EFR3B: variants seen among roughly 807,000 people sequenced by gnomAD.
The protein encoded by EFR3B is EFR3 homolog B.
In EFR3B, 64 loss-of-function variants were observed where a neutral mutation model predicts 104.7. The ratio of observed to expected loss-of-function variants is 0.61; its 90% CI spans 0.50 to 0.75. The LOEUF is 0.75. EFR3B is among the 30% of genes least tolerant of loss of function. EFR3B has a pLI of 0.00. For missense variants in EFR3B, 750 were observed against 1,078.5 expected (o/e 0.70, Z 4.27); for synonymous variants, 385 against 417.9 (o/e 0.92, Z 0.96).
At chr2:25,087,442 T>A (rs1222335036) in intron 1 of EFR3B, among the ~76,000 whole-genome samples, 1 of 151,974 alleles carries the variant, frequency 6.6e-6, no homozygotes, top group Non-Finnish European at 1.5e-5. Context: ...TCCTAGTCTA[T>A]GACTTTTCAT....
chr2:25,100,669 T>A (rs1232482729), intron 3 of EFR3B, among the ~76,000 whole-genome samples: 2 of 152,232 alleles, frequency 1.3e-5, no homozygotes, highest in African/African-American at 4.8e-5. Context: ...ATTTTTGGTA[T>A]TTTTAGTAGA....
intron 4 of EFR3B, among the ~76,000 whole-genome samples, chr2:25,117,562 C>T (rs1185907506): frequency 1.3e-5 from 2 of 151,956 alleles, no homozygotes; most frequent in Non-Finnish European, 2.9e-5. Context: ...TATAGGCATG[C>T]GCCACCAAGC....
At chr2:25,152,813 A>AGT (rs60834744) in intron 21 of EFR3B, among the ~76,000 whole-genome samples, 15,982 of 141,340 alleles carry the variant, frequency 0.11, 1,033 homozygotes, top group East Asian at 0.25. Context: ...TTCATATAGA[A>AGT]GTGTGTGTGT....
Position 25,137,483 on chromosome 2 carries a change from G to C in EFR3B, c.1703G>C (p.Arg568Pro). Residue 568 changes from arginine to proline, a missense_variant, in exon 15 of 23, where the codon CGT becomes CCT. Transcript: ENST00000403714. This position sits in a 1 kb window ranked among gnomAD's most constrained non-coding sequence, Gnocchi z 4.7. ...GAGGAGGTGGTGGTGGACCTCATCCGTCTGGTGCTGGCTGTTCAGGTGGGG... is the reference window on the plus strand; with the variant it reads ...GAGGAGGTGGTGGTGGACCTCATCCCTCTGGTGCTGGCTGTTCAGGTGGGG... The part of the protein sequence containing the change: ...ANEEVVVDLI[R>P]LVLAVQDVAQ... 1 of 1,551,722 alleles carries C rather than the reference G, an allele frequency of 6.4e-7. No individual in the cohort carries two copies. Among genetic ancestry groups the C allele is most frequent in the Non-Finnish European group, 8.7e-7 (1 of 1,147,000 alleles).
At chr2:25,118,657 A>G (rs1669928866) in intron 4 of EFR3B, among the ~76,000 whole-genome samples, 1 of 138,150 alleles carries the variant, frequency 7.2e-6, no homozygotes, top group Non-Finnish European at 1.5e-5. Flanking sequence ...TTGGAGGCCA[A>G]GGTGGGAGGA....
intron 11 of EFR3B, 36 bp downstream of exon 11, chr2:25,133,050 T>C: frequency 6.6e-7 from 1 of 1,522,694 alleles, no homozygotes. Context: ...GGAGTCCTCC[T>C]CTCCCCCAGC....
chr2:25,141,569 C>T (rs1670667204), intron 17 of EFR3B, 136 bp downstream of exon 17: 1 of 887,328 alleles, frequency 1.1e-6, no homozygotes, highest in Admixed American at 2.8e-5. Context: ...TGGGCTCTGC[C>T]TGTGGTCCAG....
chr2:25,131,671 C>G lies in EFR3B; in HGVS notation c.986-79C>G. 1.4e-6 allele frequency: 2 copies of G among 1,480,050 alleles called. No individual in the cohort carries two copies. The highest frequency in any genetic ancestry group is 1.8e-4 in the Middle Eastern group (1 of 5,432). 91.7% of individuals were successfully genotyped at this position (1,480,050 alleles called of 1,614,324 possible). A position where few individuals can be genotyped will look rare whatever the true frequency, so the allele number is the denominator to read the frequency against. On this transcript the variant is annotated intron_variant, in intron 9 of 22. Transcript: ENST00000403714. This position sits in a 1 kb window ranked among gnomAD's most constrained non-coding sequence, Gnocchi z 7.6. Reference sequence around the variant, plus strand: ...AGCCCAGGCTGGAAGGGGGCGTGACCCTGCCCTGCCTGCGCGCGGTGCACA... The same window carrying G: ...AGCCCAGGCTGGAAGGGGGCGTGACGCTGCCCTGCCTGCGCGCGGTGCACA...
chr2:25,071,324 G>T (rs1165086399), intron 1 of EFR3B, among the ~76,000 whole-genome samples: 1 of 149,928 alleles, frequency 6.7e-6, no homozygotes, highest in Non-Finnish European at 1.5e-5. Context: ...GCAGTGGTGC[G>T]ATCTTGGCTC....
At chr2:25,073,132 C>G (rs1345247874) in intron 1 of EFR3B, among the ~76,000 whole-genome samples, 1 of 152,080 alleles carries the variant, frequency 6.6e-6, no homozygotes, top group Non-Finnish European at 1.5e-5. Flanking sequence ...CCCAGATAAA[C>G]ACTTAAGAAA....
intron 1 of EFR3B, among the ~76,000 whole-genome samples, chr2:25,074,159 G>A (rs959463822): frequency 1.1e-4 from 17 of 152,110 alleles, no homozygotes; most frequent in African/African-American, 3.4e-4. Context: ...CTGGTTGGTC[G>A]CTCTAAGGAG....
Position 25,145,416 on chromosome 2 carries a change from A to G in EFR3B, c.2142+365A>G, listed in dbSNP as rs566604193. The G allele has an allele frequency of 3.7e-4, 128 of 345,536 alleles. 1 individual carries two copies. Among genetic ancestry groups the G allele is most frequent in the African/African-American group, 2.4e-3 (116 of 48,716 alleles). 21.4% of individuals were successfully genotyped at this position (345,536 alleles called of 1,614,324 possible). The stretch of plus-strand genomic sequence containing the variant: ...GGAGACCCCATCTCTACAAAAAATA[A>G]TTGAAAAATCAGCCAGGCATGGTGA... On this transcript the variant is annotated intron_variant, in intron 19 of 22. Transcript: ENST00000403714.
intron 1 of EFR3B, among the ~76,000 whole-genome samples, chr2:25,058,773 C>G (rs564821212): frequency 7.2e-6 from 1 of 138,440 alleles, no homozygotes; most frequent in Non-Finnish European, 1.6e-5. Flanking sequence ...CGCCCCCCCC[C>G]CCAAAAAAAA....
At chr2:25,122,045 C>T (rs1306511915) in intron 5 of EFR3B, among the ~76,000 whole-genome samples, 2 of 151,824 alleles carry the variant, frequency 1.3e-5, no homozygotes, top group Admixed American at 1.3e-4. Context: ...TGGCTAACTG[C>T]AACCTCCGCC....
intron 4 of EFR3B, chr2:25,116,158 T>C (rs1427466771): frequency 6.6e-6 from 1 of 152,246 alleles, no homozygotes; most frequent in Non-Finnish European, 1.5e-5. Flanking sequence ...TCAATGATTG[T>C]GTGGTGCTGA....
chr2:25,140,508 G>T (rs1670633390), intron 16 of EFR3B, among the ~76,000 whole-genome samples: 1 of 152,092 alleles, frequency 6.6e-6, no homozygotes, highest in African/African-American at 2.4e-5. Context: ...GACATCCTCT[G>T]CCTGACAATT....
chr2:25,091,163 C>G (rs1021157321), intron 1 of EFR3B, among the ~76,000 whole-genome samples, 162 bp from the exon 2 acceptor site: 1 of 152,192 alleles, frequency 6.6e-6, no homozygotes, highest in African/African-American at 2.4e-5. Context: ...ATGAGAGATG[C>G]CAGCTCTGGG....
chr2:25,100,642 G>C (rs1303825951), intron 3 of EFR3B, among the ~76,000 whole-genome samples: 1 of 152,202 alleles, frequency 6.6e-6, no homozygotes, highest in Admixed American at 6.5e-5. Context: ...ACAGGCACCT[G>C]CCACCGCGCC....
chr2:25,042,168 C>T lies in EFR3B; in HGVS notation c.-145C>T. ...GGCTCCGTCCTGCCCGCGGCCGGCCCCCGCGTCTGCTCCCTCCCCGCCCGG... is the reference window on the plus strand; with the variant it reads ...GGCTCCGTCCTGCCCGCGGCCGGCCTCCGCGTCTGCTCCCTCCCCGCCCGG... On this transcript the variant is annotated 5_prime_UTR_variant, in exon 1 of 23. Transcript: ENST00000403714. This position sits in a 1 kb window ranked among gnomAD's most constrained non-coding sequence, Gnocchi z 5.4. 1.3e-6 allele frequency: 1 copy of T among 788,656 alleles called. No homozygotes were observed. The highest frequency in any genetic ancestry group is 1.7e-6 in the Non-Finnish European group (1 of 595,496). 48.9% of individuals were successfully genotyped at this position (788,656 alleles called of 1,614,324 possible).
Sources: allele counts gnomAD v4.1 joint callset (sites outside exome capture counted in the v4.1 genomes callset), GRCh38; gene constraint gnomAD v4.1.1; non-coding constraint Gnocchi (gnomAD v3.1); transcripts MANE v1.5; gene names NCBI Gene and HGNC (gene_info 2026-07-23, HGNC 2026-07-21).